PCDHGA10: variants seen among roughly 807,000 people sequenced by gnomAD.
PCDHGA10 encodes protocadherin gamma subfamily A, 10, also known as protocadherin gamma-A10.
A neutral mutation model predicts 59.5 loss-of-function variants in PCDHGA10; 42 were observed. That is an observed-to-expected ratio of 0.71 (90% confidence interval 0.55 to 0.91). The LOEUF is 0.91. Among genes scored for constraint, PCDHGA10 ranks in the 40% least tolerant of loss-of-function variants. The probability of loss-of-function intolerance (pLI) is 0.00; values close to 1 mark genes in which losing one functional copy is unlikely to be tolerated. For synonymous variants in PCDHGA10, 511 were observed against 517.2 expected (o/e 0.99, Z 0.16); for missense variants, 1,111 against 1,198.2 (o/e 0.93, Z 1.07).
At chr5:141,502,441 GAT>G (rs2099814262) in intron 2 of PCDHGA10, among the ~76,000 whole-genome samples, 1 of 152,000 alleles carries the variant, frequency 6.6e-6, no homozygotes, top group Non-Finnish European at 1.5e-5. Flanking sequence ...GTTAGATTCA[GAT>G]TACACACCTT....
In PCDHGA10 at chr5:141,431,628, A is replaced by C. The variant is rs1204083567; in HGVS notation, c.2436+16017A>C. Reference sequence around the variant, plus strand: ...CGGTATGTGGACGACAAGGCGGCCCAAGTTTTCAAACTAGATTGTAATTCA... The same window carrying C: ...CGGTATGTGGACGACAAGGCGGCCCCAGTTTTCAAACTAGATTGTAATTCA... On this transcript the variant is annotated intron_variant, in intron 1 of 3. Coordinates refer to ENST00000398610, the MANE Select transcript of PCDHGA10 (RefSeq NM_018913.3). The surrounding 1 kb of genome is among the most constrained non-coding windows in gnomAD (Gnocchi z 4.8). 1 of 1,614,256 alleles carries C rather than the reference A, an allele frequency of 6.2e-7. No individual in the cohort carries two copies. The highest frequency in any genetic ancestry group is 8.5e-7 in the Non-Finnish European group (1 of 1,180,050).
intron 3 of PCDHGA10, among the ~76,000 whole-genome samples, chr5:141,506,038 G>C (rs2099850248): frequency 6.6e-6 from 1 of 152,174 alleles, no homozygotes; most frequent in South Asian, 2.1e-4. Context: ...GTAGGATTCT[G>C]GTTTTCCCAT....
At chr5:141,417,702 A>G (rs2096149298) in intron 1 of PCDHGA10, 2 of 1,199,336 alleles carry the variant, frequency 1.7e-6, no homozygotes, top group Non-Finnish European at 1.1e-6. Context: ...CAGCTCCCAC[A>G]CAGAGGCTCC....
intron 3 of PCDHGA10, among the ~76,000 whole-genome samples, chr5:141,510,504 G>A (rs371169260): frequency 1.3e-5 from 2 of 152,154 alleles, no homozygotes; most frequent in African/African-American, 4.8e-5. Flanking sequence ...AAGGAACTGA[G>A]AGCCCGTGTC....
chr5:141,488,497 C>T (rs1054409265), intron 1 of PCDHGA10, among the ~76,000 whole-genome samples: 3 of 152,204 alleles, frequency 2.0e-5, no homozygotes, highest in South Asian at 2.1e-4. Flanking sequence ...CTGTAACACT[C>T]ATTCCACATT....
At chr5:141,430,573 A>T (rs938248057) in intron 1 of PCDHGA10, 2 of 449,056 alleles carry the variant, frequency 4.5e-6, no homozygotes, top group Non-Finnish European at 7.6e-6. Flanking sequence ...AGAAAAGCGG[A>T]GATCCTGCTC....
intron 1 of PCDHGA10, chr5:141,419,506 C>A (rs527369615): frequency 6.2e-6 from 10 of 1,612,352 alleles, no homozygotes; most frequent in Middle Eastern, 1.7e-4. Context: ...TGAGCCTGCG[C>A]GTGTTGGTGG....
chr5:141,423,811 T>G, intron 1 of PCDHGA10: 1 of 1,254,642 alleles, frequency 8.0e-7, no homozygotes, highest in Non-Finnish European at 1.0e-6. Flanking sequence ...ACATGTGAGT[T>G]TTACTTTGCC....
At chr5:141,499,707 T>G (rs1303008532) in intron 2 of PCDHGA10, among the ~76,000 whole-genome samples, 2 of 150,494 alleles carry the variant, frequency 1.3e-5, no homozygotes, top group African/African-American at 2.5e-5. Flanking sequence ...TTTTTTTTTT[T>G]TTTTGGAGAC....
chr5:141,507,263 T>C (rs755395344), intron 3 of PCDHGA10: 1 of 152,038 alleles, frequency 6.6e-6, no homozygotes, highest in Non-Finnish European at 1.5e-5. Flanking sequence ...AAACAGCAAG[T>C]ACTATTTCAG....
chr5:141,486,170 C>T lies in PCDHGA10; in HGVS notation c.2437-8637C>T, dbSNP rs759946548. The stretch of plus-strand genomic sequence containing the variant: ...TGGGGGTTCTCCAGCCATGGAGCAA[C>T]ATTGCAGCCTTCGAGTGGATCTGCT... On this transcript the variant is annotated intron_variant, in intron 1 of 3. Coordinates refer to ENST00000398610, the MANE Select transcript of PCDHGA10 (RefSeq NM_018913.3). This position sits in a 1 kb window ranked among gnomAD's most constrained non-coding sequence, Gnocchi z 5.0. The T allele has an allele frequency of 1.5e-5, 24 of 1,614,116 alleles. No individual in the cohort carries two copies. Among genetic ancestry groups the T allele is most frequent in the South Asian group, 4.4e-5 (4 of 91,090 alleles).
intron 2 of PCDHGA10, among the ~76,000 whole-genome samples, chr5:141,495,936 T>C (rs1329369782): frequency 6.6e-6 from 1 of 152,206 alleles, no homozygotes; most frequent in Non-Finnish European, 1.5e-5. Flanking sequence ...GTCTCTGGTC[T>C]CTGTGCCTGT....
At chr5:141,478,862 C>A in intron 1 of PCDHGA10, 1 of 1,326,032 alleles carries the variant, frequency 7.5e-7, no homozygotes, top group Non-Finnish European at 1.0e-6. Context: ...AAGATCTCAG[C>A]GATCAGAGTT....
chr5:141,420,415 T>A, intron 1 of PCDHGA10: 1 of 1,217,296 alleles, frequency 8.2e-7, no homozygotes, highest in Non-Finnish European at 1.1e-6. Context: ...TTATCATTAT[T>A]AAAACAAAAG....
intron 1 of PCDHGA10, among the ~76,000 whole-genome samples, chr5:141,425,699 G>A (rs535043616): frequency 6.6e-6 from 1 of 152,260 alleles, no homozygotes; most frequent in Non-Finnish European, 1.5e-5. Context: ...ATTTCATAGT[G>A]GTCAAAATTT....
intron 1 of PCDHGA10, among the ~76,000 whole-genome samples, chr5:141,434,490 G>A (rs566645029): frequency 2.5e-4 from 38 of 152,274 alleles, no homozygotes; most frequent in Non-Finnish European, 4.9e-4. Flanking sequence ...CACCTGGCCC[G>A]CCCAGGGCAG....
At position 141,477,830 on chromosome 5, in the gene PCDHGA10, C is replaced by T; in HGVS notation, c.2437-16977C>T. ...TGCCCCCCAGGTCCTATATCCTCGG[C>T]CAGGTGGGAGCTCGGTGGAGATGCT... is the stretch of plus-strand genomic sequence containing the variant. On this transcript the variant is annotated intron_variant, in intron 1 of 3. Transcript: ENST00000398610. The surrounding 1 kb of genome is among the most constrained non-coding windows in gnomAD (Gnocchi z 4.9). 1 of 1,614,170 alleles carries T rather than the reference C, an allele frequency of 6.2e-7. No individual in the cohort carries two copies. Among genetic ancestry groups the T allele is most frequent in the Non-Finnish European group, 8.5e-7 (1 of 1,180,038 alleles).
In PCDHGA10 at chr5:141,489,584, A is replaced by G. The variant is rs775720718; in HGVS notation, c.2437-5223A>G. Reference sequence around the variant, plus strand: ...CAGGTGGTGACTGAACACCCCCTGGAGCTAATCCGTGTAGAGGTAGAGATC... The same window carrying G: ...CAGGTGGTGACTGAACACCCCCTGGGGCTAATCCGTGTAGAGGTAGAGATC... On this transcript the variant is annotated intron_variant, in intron 1 of 3. Coordinates refer to ENST00000398610, the MANE Select transcript of PCDHGA10 (RefSeq NM_018913.3). The surrounding 1 kb of genome is among the most constrained non-coding windows in gnomAD (Gnocchi z 4.5). The G allele has an allele frequency of 6.2e-7, 1 of 1,614,054 alleles. No homozygotes were observed. Among genetic ancestry groups the G allele is most frequent in the South Asian group, 1.1e-5 (1 of 91,078 alleles).
intron 1 of PCDHGA10, chr5:141,441,694 G>A (rs1443778772): frequency 2.3e-5 from 7 of 301,140 alleles, no homozygotes; most frequent in Non-Finnish European, 2.6e-5. Context: ...GAGCAGCCGC[G>A]AGCCTTCAAG....
Sources: allele counts gnomAD v4.1 joint callset (sites outside exome capture counted in the v4.1 genomes callset), GRCh38; gene constraint gnomAD v4.1.1; non-coding constraint Gnocchi (gnomAD v3.1); transcripts MANE v1.5; gene names NCBI Gene and HGNC (gene_info 2026-07-23, HGNC 2026-07-21).